KBTBD12: variants seen among roughly 807,000 people sequenced by gnomAD.
KBTBD12 encodes the protein kelch repeat and BTB domain containing 12.
A neutral mutation model predicts 58.7 loss-of-function variants in KBTBD12; 53 were observed. The observed-to-expected ratio is 0.90, with a 90% CI of 0.72 to 1.14. KBTBD12 has a LOEUF of 1.14. Among genes scored for constraint, KBTBD12 ranks in the 50% most tolerant of loss-of-function variants. The pLI is 0.00. For synonymous variants in KBTBD12, 236 were observed against 259.8 expected (o/e 0.91, Z 0.88); for missense variants, 704 against 751.3 (o/e 0.94, Z 0.74).
chr3:127,963,998 T>C (rs1222367393), intron 5 of KBTBD12, among the ~76,000 whole-genome samples: 3 of 152,168 alleles, frequency 2.0e-5, no homozygotes, highest in Admixed American at 1.3e-4. Flanking sequence ...TAAACCTTTT[T>C]CCATATATCT....
chr3:127,970,478 G>A (rs1940663889), intron 5 of KBTBD12, among the ~76,000 whole-genome samples: 1 of 152,196 alleles, frequency 6.6e-6, no homozygotes, highest in African/African-American at 2.4e-5. Flanking sequence ...AATGTTCACA[G>A]CAGCAGCATT....
chr3:127,969,804 G>A (rs1355328642), intron 5 of KBTBD12, among the ~76,000 whole-genome samples: 2 of 152,036 alleles, frequency 1.3e-5, no homozygotes, highest in South Asian at 4.1e-4. Context: ...CTCTTACCAT[G>A]TACAAAAAGG....
intron 5 of KBTBD12, among the ~76,000 whole-genome samples, chr3:127,980,177 G>A (rs1388407395): frequency 6.6e-6 from 1 of 152,138 alleles, no homozygotes. Flanking sequence ...TCCATTTCAA[G>A]AAGATAGAAC....
At chr3:127,971,723 T>G (rs926180621) in intron 5 of KBTBD12, among the ~76,000 whole-genome samples, 1 of 152,204 alleles carries the variant, frequency 6.6e-6, no homozygotes, top group Non-Finnish European at 1.5e-5. Flanking sequence ...TGGGACCCGC[T>G]GTGGGCAGGG....
intron 3 of KBTBD12, 33 bp from the exon 4 acceptor site, chr3:127,930,100 A>G (rs1939667666): frequency 1.3e-6 from 2 of 1,543,522 alleles, no homozygotes; most frequent in East Asian, 2.4e-5. Context: ...GCTAAATGAT[A>G]TGTTATTATA....
intron 3 of KBTBD12, 132 bp from the exon 4 acceptor site, chr3:127,930,001 G>C: frequency 1.4e-6 from 1 of 723,058 alleles, no homozygotes; most frequent in Non-Finnish European, 2.3e-6. Flanking sequence ...GGTTTGGTGT[G>C]TTTGTGAGTA....
intron 4 of KBTBD12, among the ~76,000 whole-genome samples, chr3:127,932,738 G>T (rs1939733542): frequency 6.6e-6 from 1 of 152,118 alleles, no homozygotes; most frequent in Non-Finnish European, 1.5e-5. Context: ...ATTGAAATGG[G>T]ATTGCCTACC....
chr3:127,950,036 A>G (rs1329429448), intron 4 of KBTBD12, among the ~76,000 whole-genome samples: 3 of 152,218 alleles, frequency 2.0e-5, no homozygotes, highest in Non-Finnish European at 2.9e-5. Context: ...TGAGAATTTA[A>G]GAGTTGGCTT....
chr3:127,940,681 A>G (rs1939930777), intron 4 of KBTBD12, among the ~76,000 whole-genome samples: 1 of 149,030 alleles, frequency 6.7e-6, no homozygotes, highest in African/African-American at 2.5e-5. Flanking sequence ...AGAACAACAT[A>G]AATCAAGTAG....
chr3:127,918,082 T>C (rs900437382), intron 1 of KBTBD12, among the ~76,000 whole-genome samples: 5 of 152,166 alleles, frequency 3.3e-5, no homozygotes, highest in Non-Finnish European at 2.9e-5. Flanking sequence ...TAGTGGTGCA[T>C]GTAGTGGTGC....
intron 4 of KBTBD12, among the ~76,000 whole-genome samples, chr3:127,931,235 A>G (rs549053216): frequency 2.0e-5 from 3 of 152,236 alleles, no homozygotes; most frequent in Admixed American, 6.5e-5. Flanking sequence ...AAGGGAGGCC[A>G]TTATCTCTTA....
chr3:127,958,341 C>T (rs974179319), intron 4 of KBTBD12, among the ~76,000 whole-genome samples: 7 of 152,150 alleles, frequency 4.6e-5, no homozygotes, highest in Non-Finnish European at 1.0e-4. Context: ...AGCTCACTCC[C>T]ACCCACCACG....
intron 5 of KBTBD12, among the ~76,000 whole-genome samples, chr3:127,968,593 G>T (rs1186632308): frequency 6.6e-6 from 1 of 152,176 alleles, no homozygotes; most frequent in African/African-American, 2.4e-5. Flanking sequence ...GAAATGAAAA[G>T]TTGGCTTACC....
At chr3:127,949,324 T>C (rs780086619) in intron 4 of KBTBD12, among the ~76,000 whole-genome samples, 1 of 152,032 alleles carries the variant, frequency 6.6e-6, no homozygotes, top group Non-Finnish European at 1.5e-5. Context: ...AGCTGCACAA[T>C]GAAACAGTAG....
intron 5 of KBTBD12, among the ~76,000 whole-genome samples, chr3:127,972,092 G>A (rs767956274): frequency 1.3e-5 from 2 of 152,186 alleles, no homozygotes; most frequent in Non-Finnish European, 2.9e-5. Context: ...ATTGACAGCT[G>A]ACAGTTACCT....
In KBTBD12 at chr3:127,963,389, A is replaced by G. The variant is rs775758803; in HGVS notation, c.1690+3A>G. ...CTGCGGGGGATTCCATGGAGCAGGT[A>G]TGGGTCCAGTTTTAAACATTTTGTT... On this transcript the variant is annotated splice_donor_region_variant and intron_variant, in intron 5 of 5. Coordinates refer to ENST00000405109, the MANE Select transcript of KBTBD12 (RefSeq NM_207335.4). 14 of 1,598,948 alleles carry G rather than the reference A, an allele frequency of 8.8e-6. No homozygotes were observed. The highest frequency in any genetic ancestry group is 1.7e-4 in the Middle Eastern group (1 of 5,994).
chr3:127,947,778 C>T lies in KBTBD12; in HGVS notation c.1493-15411C>T, dbSNP rs527480393. Among the ~76,000 whole-genome samples the T allele has an allele frequency of 2.0e-5, 3 of 152,292 alleles. No individual in the cohort carries two copies. In the South Asian group the frequency reaches 6.2e-4, roughly 32 times the overall value. ...CAAAAACCCCCCTGGTCTCTCTTTC[C>T]TTCAGCAGGGTTCCTCTGTCTGTGC... On this transcript the variant is annotated intron_variant, in intron 4 of 5. Coordinates refer to ENST00000405109, the MANE Select transcript of KBTBD12 (RefSeq NM_207335.4).
intron 5 of KBTBD12, among the ~76,000 whole-genome samples, chr3:127,969,354 A>C (rs1559774227): frequency 6.6e-6 from 1 of 152,136 alleles, no homozygotes; most frequent in Non-Finnish European, 1.5e-5. Context: ...AATAGGAGTA[A>C]ATTTAACAAA....
intron 2 of KBTBD12, among the ~76,000 whole-genome samples, chr3:127,926,895 C>T (rs1028742117): frequency 2.0e-5 from 3 of 152,044 alleles, no homozygotes; most frequent in Admixed American, 6.6e-5. Context: ...ACCCCTCTGA[C>T]CAACCCCATG....
Sources: gnomAD v4.1 joint callset for allele counts (sites outside exome capture counted in the v4.1 genomes callset) on GRCh38, gnomAD v4.1.1 for gene constraint, MANE v1.5 for transcripts, NCBI Gene and HGNC (gene_info 2026-07-23, HGNC 2026-07-21) for gene names.